The following GEN1 variants were observed in gnomAD, a reference collection of about 807,000 sequenced individuals.
The protein encoded by GEN1 is GEN1 structure-specific endonuclease, also known as flap endonuclease GEN homolog 1.
A neutral mutation model predicts 67.6 loss-of-function variants in GEN1; 64 were observed. The observed-to-expected ratio is 0.95, with a 90% confidence interval of 0.77 to 1.17. The LOEUF is 1.17. GEN1 is among the 50% of genes most tolerant of loss of function. The pLI is 0.00. For missense variants in GEN1, 1,058 were observed against 1,048.3 expected (o/e 1.01, Z -0.13); for synonymous variants, 371 against 359.4 (o/e 1.03, Z -0.37).
Position 17,781,280 on chromosome 2 carries a change from C to T in GEN1, c.2068C>T (p.Gln690Ter). The T allele has an allele frequency of 3.7e-6, 6 of 1,613,618 alleles. No individual in the cohort carries two copies. Among genetic ancestry groups the T allele is most frequent in the Non-Finnish European group, 5.1e-6 (6 of 1,179,612 alleles). Reference protein sequence around the residue: ...TKLSYPQDNLQPDVNLKTLSI... With the variant: ...TKLSYPQDNL ...ATTATCATATCCTCAGGATAATCTACAACCAGATGTCAACCTGAAAACTTT... is the reference window on the plus strand; with the variant it reads ...ATTATCATATCCTCAGGATAATCTATAACCAGATGTCAACCTGAAAACTTT... The change falls in exon 14 of 14, where the codon CAA (glutamine) becomes TAA (stop). Residue 690 changes from glutamine (Q) to a stop codon, truncating the protein, a stop_gained. Transcript: ENST00000381254. LOFTEE classifies it low-confidence loss of function (END_TRUNC).
intron 11 of GEN1, 38 bp from the exon 12 acceptor site, chr2:17,777,962 CTT>C: frequency 1.8e-6 from 2 of 1,133,716 alleles, no homozygotes; most frequent in Non-Finnish European, 2.7e-6. Flanking sequence ...TTCCAAATAT[CTT>C]ATGCAATTAG....
chr2:17,771,462 C>G (rs894190193), intron 7 of GEN1, among the ~76,000 whole-genome samples, 175 bp downstream of exon 7: 1 of 152,032 alleles, frequency 6.6e-6, no homozygotes, highest in Non-Finnish European at 1.5e-5. Flanking sequence ...AGTAGTCACT[C>G]AGTAAATGTT....
At chr2:17,777,418 T>A (rs1324673266) in intron 11 of GEN1, among the ~76,000 whole-genome samples, 2 of 152,018 alleles carry the variant, frequency 1.3e-5, no homozygotes, top group African/African-American at 4.8e-5. Context: ...TCCAAACCAG[T>A]ACAATTAAAA....
chr2:17,757,699 A>G (rs1461815552), intron 1 of GEN1, among the ~76,000 whole-genome samples: 1 of 152,230 alleles, frequency 6.6e-6, no homozygotes, highest in Non-Finnish European at 1.5e-5. Flanking sequence ...CTGAAGTAGT[A>G]TTTAATATTC....
intron 6 of GEN1, 142 bp from the exon 7 acceptor site, chr2:17,771,054 C>T (rs553214461): frequency 6.0e-4 from 411 of 688,430 alleles, no homozygotes; most frequent in Non-Finnish European, 1.0e-3. Context: ...GGTTTTCCCA[C>T]ACTAGGCCAG....
At chr2:17,768,229 C>G (rs529360315) in intron 5 of GEN1, among the ~76,000 whole-genome samples, 1 of 152,124 alleles carries the variant, frequency 6.6e-6, no homozygotes, top group Non-Finnish European at 1.5e-5. Flanking sequence ...ATATCATTTT[C>G]GTATATTGGA....
intron 7 of GEN1, among the ~76,000 whole-genome samples, chr2:17,772,293 C>T (rs300174): frequency 0.65 from 98,474 of 151,824 alleles, 32,617 homozygotes; most frequent in East Asian, 0.99. Flanking sequence ...GTAATTACAT[C>T]CTACTTTTTA....
rs776290211 is a variant in GEN1 at position 17,765,053 on chromosome 2, A to G, written c.505A>G (p.Asn169Asp). 4.3e-6 allele frequency: 7 copies of G among 1,614,022 alleles called. No individual in the cohort carries two copies. Among genetic ancestry groups the G allele is most frequent in the Admixed American group, 3.3e-5 (2 of 59,978 alleles). Residue 169 changes from asparagine (N) to aspartate (D), a missense_variant, in exon 4 of 14, where the codon AAT becomes GAT. Transcript: ENST00000381254. The part of the protein sequence containing the change: ...FLYGAQTVYR[N>D]FTMNTKDPHV... The stretch of plus-strand genomic sequence containing the variant: ...TTATGGGGCCCAGACTGTTTACAGG[A>G]ATTTCACTATGAATACAAAGGTGTT...
chr2:17,775,698 T>C (rs759620243), intron 11 of GEN1, among the ~76,000 whole-genome samples: 1 of 152,202 alleles, frequency 6.6e-6, no homozygotes, highest in Non-Finnish European at 1.5e-5. Context: ...AAAAATGGTA[T>C]CTTCAAAAGT....
intron 1 of GEN1, chr2:17,754,551 C>T (rs1372849952): frequency 6.6e-6 from 1 of 152,260 alleles, no homozygotes; most frequent in Admixed American, 6.5e-5. Flanking sequence ...CCTGCGTCAC[C>T]CCGCCTCGGG....
chr2:17,778,148 A>G, intron 12 of GEN1, 85 bp downstream of exon 12: 1 of 563,832 alleles, frequency 1.8e-6, no homozygotes, highest in Admixed American at 2.7e-5. Context: ...GTATATATAT[A>G]TATATACACA....
rs1673082948 is a variant in GEN1 at position 17,787,084 on chromosome 2, T to C, written c.*5145T>C. On this transcript the variant is annotated 3_prime_UTR_variant, in exon 14 of 14. Coordinates refer to ENST00000381254, the MANE Select transcript of GEN1 (RefSeq NM_001130009.3). ...GCACGGATGTCTCTGCCTGAAATGC[T>C]TGCTGCTTCCTTATTGGCTAGATAA... is the stretch of plus-strand genomic sequence containing the variant. The C allele has an allele frequency of 6.6e-6, 1 of 152,264 alleles. No homozygotes were observed. Among genetic ancestry groups the C allele is most frequent in the Non-Finnish European group, 1.5e-5 (1 of 68,074 alleles). 9.4% of individuals were successfully genotyped at this position (152,264 alleles called of 1,614,324 possible).
chr2:17,774,508 C>A, intron 11 of GEN1, 107 bp downstream of exon 11: 1 of 801,068 alleles, frequency 1.2e-6, no homozygotes, highest in Non-Finnish European at 1.9e-6. Flanking sequence ...GGAGGAAAGG[C>A]CTCCTGGAAT....
intron 1 of GEN1, among the ~76,000 whole-genome samples, chr2:17,759,248 TATAATA>T (rs1671562885): frequency 6.6e-6 from 1 of 152,196 alleles, no homozygotes; most frequent in Non-Finnish European, 1.5e-5. Flanking sequence ...AATATAGATG[TATAATA>T]AGGAAAAGCT....
At position 17,782,655 on chromosome 2, in the gene GEN1, G is replaced by A. The variant is rs1672899458; in HGVS notation, c.*716G>A. 1 of 152,212 alleles carries A rather than the reference G, an allele frequency of 6.6e-6. No individual in the cohort carries two copies. Among genetic ancestry groups the A allele is most frequent in the East Asian group, 1.9e-4 (1 of 5,190 alleles). 9.4% of individuals were successfully genotyped at this position (152,212 alleles called of 1,614,324 possible). Reference sequence around the variant, plus strand: ...ATCCCCAGAAGTTCACAGGTATATCGGGTGGAAAAAGATTTGGAAAATCAA... The same window carrying A: ...ATCCCCAGAAGTTCACAGGTATATCAGGTGGAAAAAGATTTGGAAAATCAA... On this transcript the variant is annotated 3_prime_UTR_variant, in exon 14 of 14. Transcript: ENST00000381254.
In GEN1 at chr2:17,780,891, G is replaced by A. The variant is rs1345418272; in HGVS notation, c.1679G>A (p.Ser560Asn). 2 of 1,613,764 alleles carry A rather than the reference G, an allele frequency of 1.2e-6. No individual in the cohort carries two copies. The highest frequency in any genetic ancestry group is 1.7e-6 in the Non-Finnish European group (2 of 1,179,824). The change falls in exon 14 of 14, where the codon AGT (serine) becomes AAT (asparagine). Residue 560 changes from serine (S) to asparagine (N), a missense_variant. Coordinates refer to ENST00000381254, the MANE Select transcript of GEN1 (RefSeq NM_001130009.3). ...GCTATACAGCAAATTAAAGCTGTCA[G>A]TAAGTCTCTAATTTCAGAATCTAGT... ...PLAIQQIKAV[S>N]KSLISESSQP...
chr2:17,771,308 G>T lies in GEN1; in HGVS notation c.802+21G>T, dbSNP rs373778809. ...TCCAGGTAAGGAGACATAGGGAATG[G>T]TTATTAGTATCTCATACCCATGTTT... is the stretch of plus-strand genomic sequence containing the variant. On this transcript the variant is annotated intron_variant, in intron 7 of 13. Coordinates refer to ENST00000381254, the MANE Select transcript of GEN1 (RefSeq NM_001130009.3). The T allele has an allele frequency of 8.6e-5, 117 of 1,357,230 alleles. No homozygotes were observed. The African/African-American group carries it at 1.6e-3, about 18-fold the overall frequency. The allele number at this position is 1,357,230 out of a possible 1,614,324, so 84.1% of individuals were successfully genotyped here.
intron 12 of GEN1, among the ~76,000 whole-genome samples, chr2:17,779,774 G>C (rs1201701672): frequency 6.6e-6 from 1 of 152,022 alleles, no homozygotes; most frequent in Non-Finnish European, 1.5e-5. Context: ...GCTAATTTTT[G>C]TATTTTTTAT....
At position 17,773,268 on chromosome 2, in the gene GEN1, G is replaced by C; in HGVS notation, c.1040G>C (p.Arg347Thr). 1 of 1,600,016 alleles carries C rather than the reference G, an allele frequency of 6.2e-7. No individual in the cohort carries two copies. Residue 347 changes from arginine (R) to threonine (T), a missense_variant, in exon 10 of 14, where the codon AGG becomes ACG. Arg to Thr is a moderately conservative substitution (Grantham distance 71, BLOSUM62 -1). Coordinates refer to ENST00000381254, the MANE Select transcript of GEN1 (RefSeq NM_001130009.3). Reference protein sequence around the residue: ...LNKDKLVKVIRYQRPDLLLFQ... With the variant: ...LNKDKLVKVITYQRPDLLLFQ... ...AAGGATAAATTGGTGAAGGTTATCA[G>C]GTACCAAAGACCTGATTTGTTATTG...
Sources: gnomAD v4.1 joint callset for allele counts (sites outside exome capture counted in the v4.1 genomes callset) on GRCh38, gnomAD v4.1.1 for gene constraint, MANE v1.5 for transcripts, NCBI Gene and HGNC (gene_info 2026-07-23, HGNC 2026-07-21) for gene names.